FRMD4A: variants seen among roughly 807,000 people sequenced by gnomAD.
The protein encoded by FRMD4A is FERM domain containing 4A.
Under a neutral mutation model 129.1 loss-of-function variants are expected in FRMD4A, and 29 were observed. The observed-to-expected ratio is 0.22, with a 90% CI of 0.17 to 0.31. The LOEUF (loss-of-function observed/expected upper bound fraction) is 0.31. FRMD4A is among the 10% of genes least tolerant of loss of function. FRMD4A has a pLI of 1.00. For missense variants in FRMD4A, 1,272 were observed against 1,375.8 expected (o/e 0.92, Z 1.19); for synonymous variants, 634 against 571.6 (o/e 1.11, Z -1.56).
chr10:13,983,910 G>A (rs1032100581), intron 2 of FRMD4A, among the ~76,000 whole-genome samples: 3 of 152,056 alleles, frequency 2.0e-5, no homozygotes, highest in Non-Finnish European at 4.4e-5. Flanking sequence ...GGCTGCGGCA[G>A]GAGAATCGCT....
intron 2 of FRMD4A, among the ~76,000 whole-genome samples, chr10:14,057,437 C>A (rs1834589251): frequency 6.6e-6 from 1 of 152,218 alleles, no homozygotes; most frequent in Non-Finnish European, 1.5e-5. Flanking sequence ...GGCTCCATGG[C>A]TATTTTGTTA....
intron 2 of FRMD4A, among the ~76,000 whole-genome samples, chr10:14,084,790 C>G (rs1430362594): frequency 1.3e-5 from 2 of 152,274 alleles, no homozygotes; most frequent in Admixed American, 1.3e-4. Context: ...TGAACCAACC[C>G]TAAGCCTGCT....
At chr10:13,736,677 G>T (rs180672090) in intron 12 of FRMD4A, among the ~76,000 whole-genome samples, 1 of 152,288 alleles carries the variant, frequency 6.6e-6, no homozygotes. Context: ...CCTATTCGAG[G>T]ATAAAACAGC....
intron 2 of FRMD4A, among the ~76,000 whole-genome samples, chr10:14,198,941 G>A (rs971984309): frequency 1.3e-5 from 2 of 152,188 alleles, no homozygotes; most frequent in Non-Finnish European, 2.9e-5. Flanking sequence ...AAAGTACTCA[G>A]TAGAGGGCTT....
chr10:14,049,621 T>C (rs1834163475), intron 2 of FRMD4A, among the ~76,000 whole-genome samples: 1 of 152,160 alleles, frequency 6.6e-6, no homozygotes, highest in Admixed American at 6.5e-5. Context: ...GTGGAAAGAT[T>C]TGATTAAAAT....
chr10:13,994,807 C>T (rs1282900657), intron 2 of FRMD4A, among the ~76,000 whole-genome samples: 1 of 152,208 alleles, frequency 6.6e-6, no homozygotes, highest in African/African-American at 2.4e-5. Context: ...TCCCGTGGCA[C>T]AGCTGAGTAG....
At chr10:13,884,144 T>TCACCCACACACACA (rs773933481) in intron 2 of FRMD4A, among the ~76,000 whole-genome samples, 1,893 of 105,138 alleles carry the variant, frequency 0.018, 69 homozygotes, top group East Asian at 0.077. Context: ...TCACACACAC[T>TCACCCACACACACA]CTCACACACT....
intron 2 of FRMD4A, among the ~76,000 whole-genome samples, chr10:14,120,226 T>A (rs1243226299): frequency 6.6e-6 from 1 of 152,026 alleles, no homozygotes; most frequent in Non-Finnish European, 1.5e-5. Context: ...AGTTCCTCCA[T>A]CCCTTTACGT....
At chr10:14,225,641 G>C (rs4517418) in intron 2 of FRMD4A, among the ~76,000 whole-genome samples, 1 of 152,206 alleles carries the variant, frequency 6.6e-6, no homozygotes, top group Admixed American at 6.5e-5. Context: ...GAACACATCA[G>C]GCTATTGCAG....
At chr10:14,008,054 G>GCTTA in intron 2 of FRMD4A, 1 of 1,302,610 alleles carries the variant, frequency 7.7e-7, no homozygotes, top group Non-Finnish European at 1.0e-6. Context: ...CCGCCACGTA[G>GCTTA]CTTACCCTTT....
Position 13,730,420 on chromosome 10 carries a change from C to T in FRMD4A, c.759+7424G>A, listed in dbSNP as rs144858961. Reference sequence around the variant, plus strand: ...AACTGCCCGAAACCCGTGGGATACCCAGTCTGAGGCATGTTGCTATCGACA... The same window carrying T: ...AACTGCCCGAAACCCGTGGGATACCTAGTCTGAGGCATGTTGCTATCGACA... On this transcript the variant is annotated intron_variant, in intron 12 of 24. Coordinates refer to ENST00000357447, the MANE Select transcript of FRMD4A (RefSeq NM_018027.5). Among the ~76,000 whole-genome samples, 916 of 152,290 alleles carry T rather than the reference C, an allele frequency of 6.0e-3. 3 individuals are homozygous for T. The highest frequency in any genetic ancestry group is 9.3e-3 in the Non-Finnish European group (635 of 68,012).
At position 13,792,302 on chromosome 10, in the gene FRMD4A, G is replaced by A. The variant is rs370440426; in HGVS notation, c.299+4194C>T. On this transcript the variant is annotated intron_variant, in intron 5 of 24. Transcript: ENST00000357447. ...GGCTGGGGTCGCCGCATTTGACTTC[G>A]CTGCTCCTGGCCCTGCCTATACAGG... Among the ~76,000 whole-genome samples the A allele has an allele frequency of 2.3e-4, 35 of 152,192 alleles. No homozygotes were observed. The South Asian group carries it at 2.7e-3, about 12-fold the overall frequency.
At chr10:13,948,769 A>T (rs1490535575) in intron 2 of FRMD4A, among the ~76,000 whole-genome samples, 2 of 149,088 alleles carry the variant, frequency 1.3e-5, no homozygotes, top group Non-Finnish European at 3.0e-5. Context: ...CTCCTGCCTC[A>T]GCCTCCCTAG....
At chr10:13,847,399 T>C (rs1310384465) in intron 3 of FRMD4A, among the ~76,000 whole-genome samples, 1 of 151,856 alleles carries the variant, frequency 6.6e-6, no homozygotes, top group Admixed American at 6.6e-5. Flanking sequence ...CAGAGAAAAA[T>C]ACAGAGCAGC....
intron 2 of FRMD4A, among the ~76,000 whole-genome samples, chr10:13,885,500 C>T (rs117757337): frequency 1.2e-4 from 19 of 152,298 alleles, no homozygotes; most frequent in East Asian, 5.8e-4. Context: ...GAGACCAGGG[C>T]GAGGTCCCTC....
chr10:14,102,291 C>A (rs1398671150), intron 2 of FRMD4A, among the ~76,000 whole-genome samples: 1 of 152,160 alleles, frequency 6.6e-6, no homozygotes, highest in Admixed American at 6.5e-5. Context: ...CCTCGGGAGG[C>A]CAAGGCAGGC....
intron 13 of FRMD4A, among the ~76,000 whole-genome samples, chr10:13,705,579 C>T (rs2087346086): frequency 6.6e-6 from 1 of 152,180 alleles, no homozygotes; most frequent in Non-Finnish European, 1.5e-5. Flanking sequence ...TTTCCCCTCT[C>T]TTACATGCCT....
intron 2 of FRMD4A, among the ~76,000 whole-genome samples, chr10:14,253,520 C>A (rs1363068714): frequency 1.3e-5 from 2 of 152,134 alleles, no homozygotes; most frequent in African/African-American, 4.8e-5. Context: ...TATCACTGTC[C>A]TGGACAGATC....
rs1564648731 is a variant in FRMD4A, at chr10:13,703,165, G to T, written c.837-1687C>A. 3.3e-5 allele frequency among the ~76,000 whole-genome samples: 5 copies of T among 152,204 alleles called. No homozygotes were observed. The South Asian group carries it at 1.0e-3, about 32-fold the overall frequency. On this transcript the variant is annotated intron_variant, in intron 13 of 24. Transcript: ENST00000357447. ...ATCTTGAAAGGTGGTGCAAGGCTAG[G>T]TACCTCCATTTCTCAGGTACCGGGA... is the stretch of plus-strand genomic sequence containing the variant.
Sources: gnomAD v4.1 joint callset for allele counts (sites outside exome capture counted in the v4.1 genomes callset) on GRCh38, gnomAD v4.1.1 for gene constraint, MANE v1.5 for transcripts, NCBI Gene and HGNC (gene_info 2026-07-23, HGNC 2026-07-21) for gene names.